The following CAPN7 variants were observed in gnomAD, a reference collection of about 807,000 sequenced individuals.
The protein encoded by CAPN7 is calpain 7.
CAPN7 carries 72 observed loss-of-function variants against 115.2 expected under a neutral mutation model. That is an observed-to-expected ratio of 0.63 (90% CI 0.52 to 0.76). The LOEUF is 0.76. CAPN7 is among the 30% of genes least tolerant of loss of function. CAPN7 has a pLI of 0.00. For missense variants in CAPN7, 905 were observed against 971.5 expected (o/e 0.93, Z 0.91); for synonymous variants, 344 against 322.3 (o/e 1.07, Z -0.72).
intron 8 of CAPN7, among the ~76,000 whole-genome samples, chr3:15,230,018 AGTT>A (rs944400638): frequency 1.3e-5 from 2 of 152,176 alleles, no homozygotes; most frequent in African/African-American, 4.8e-5. Flanking sequence ...TGATACTGAT[AGTT>A]GTTGAAGTAT....
intron 5 of CAPN7, among the ~76,000 whole-genome samples, chr3:15,221,202 CAG>C (rs1420853873): frequency 1.3e-5 from 2 of 148,954 alleles, no homozygotes; most frequent in Non-Finnish European, 2.9e-5. Flanking sequence ...TTTTTTGAGA[CAG>C]AGTGTCACTC....
chr3:15,231,145 T>A (rs1575206605), intron 9 of CAPN7, among the ~76,000 whole-genome samples: 1 of 152,192 alleles, frequency 6.6e-6, no homozygotes, highest in East Asian at 1.9e-4. Context: ...GCGTTTCACC[T>A]AGATCCCCTG....
At chr3:15,242,815 C>T (rs910399628) in intron 16 of CAPN7, among the ~76,000 whole-genome samples, 3 of 152,214 alleles carry the variant, frequency 2.0e-5, no homozygotes, top group African/African-American at 7.2e-5. Context: ...TTCCACTGGG[C>T]ACCTGAGATA....
At chr3:15,215,911 C>A (rs539327730) in intron 2 of CAPN7, among the ~76,000 whole-genome samples, 7 of 152,256 alleles carry the variant, frequency 4.6e-5, no homozygotes, top group African/African-American at 1.7e-4. Context: ...CAGGGTGAAA[C>A]CCCGTCTCTA....
rs889031905 is a variant in CAPN7 at position 15,242,167 on chromosome 3, T to A, written c.1789-11T>A. On this transcript the variant is annotated splice_polypyrimidine_tract_variant and intron_variant, in intron 15 of 20. Transcript: ENST00000253693. ...CATTTTCTAACCACATTGGATTCTT[T>A]GTGATTTTAGGATGATTTTGCGAAT... The A allele has an allele frequency of 6.3e-6, 10 of 1,581,738 alleles. No individual in the cohort carries two copies. The highest frequency in any genetic ancestry group is 8.6e-6 in the Non-Finnish European group (10 of 1,161,004).
intron 2 of CAPN7, among the ~76,000 whole-genome samples, chr3:15,214,182 A>T (rs2045113576): frequency 6.6e-6 from 1 of 152,148 alleles, no homozygotes; most frequent in Non-Finnish European, 1.5e-5. Context: ...GCCTGGCCTT[A>T]AAAAGGATTT....
chr3:15,229,195 A>T, intron 8 of CAPN7, 136 bp downstream of exon 8: 1 of 628,758 alleles, frequency 1.6e-6, no homozygotes, highest in South Asian at 2.3e-5. Flanking sequence ...AATTAAGCAG[A>T]TGATTTATGA....
intron 10 of CAPN7, among the ~76,000 whole-genome samples, chr3:15,233,226 A>G (rs1458243524): frequency 3.3e-5 from 5 of 152,222 alleles, no homozygotes; most frequent in Admixed American, 3.3e-4. Flanking sequence ...AGTCGTAAAG[A>G]TGAAAATTGC....
chr3:15,221,453 A>C (rs1693983143), intron 5 of CAPN7, among the ~76,000 whole-genome samples: 1 of 149,804 alleles, frequency 6.7e-6, no homozygotes, highest in African/African-American at 2.5e-5. Context: ...TCGGCCTCCC[A>C]AAGTATTGGG....
intron 20 of CAPN7, 43 bp downstream of exon 20, chr3:15,251,066 T>G: frequency 5.6e-6 from 9 of 1,599,514 alleles, no homozygotes; most frequent in Non-Finnish European, 7.7e-6. Context: ...TACTTTACTT[T>G]TTGTGGCATC....
Position 15,235,136 on chromosome 3 carries a change from A to G in CAPN7, c.1398A>G (p.Arg466=). ...ACGCATATGCTGTTTTGGATATTAG[A>G]GAGTTCAAGGTTTTGCCTTAAATCT... is the stretch of plus-strand genomic sequence containing the variant. The part of the protein sequence containing the change: ...PTHAYAVLDI[R]EFKGLRFIQL... Residue 466 remains arginine, a synonymous_variant, in exon 12 of 21, where the codon AGA becomes AGG. Transcript: ENST00000253693. The G allele has an allele frequency of 3.1e-6, 5 of 1,607,204 alleles. No homozygotes were observed. The highest frequency in any genetic ancestry group is 3.4e-6 in the Non-Finnish European group (4 of 1,178,176).
intron 12 of CAPN7, among the ~76,000 whole-genome samples, 198 bp downstream of exon 12, chr3:15,235,343 C>T (rs1694924303): frequency 6.6e-6 from 1 of 152,154 alleles, no homozygotes; most frequent in Non-Finnish European, 1.5e-5. Flanking sequence ...ATAGGGATGG[C>T]ACAGATACTG....
At chr3:15,243,209 CAG>C (rs1323676082) in intron 16 of CAPN7, among the ~76,000 whole-genome samples, 6 of 152,122 alleles carry the variant, frequency 3.9e-5, no homozygotes, top group South Asian at 4.1e-4. Context: ...ATTTTTGGGA[CAG>C]AGAACAGGCC....
chr3:15,225,884 T>C (rs1284412262), intron 6 of CAPN7, among the ~76,000 whole-genome samples: 1 of 152,128 alleles, frequency 6.6e-6, no homozygotes, highest in African/African-American at 2.4e-5. Flanking sequence ...TATTTTACTT[T>C]AGGAACAATC....
chr3:15,230,871 T>C (rs1447308755), intron 9 of CAPN7, among the ~76,000 whole-genome samples: 1 of 152,214 alleles, frequency 6.6e-6, no homozygotes, highest in Non-Finnish European at 1.5e-5. Flanking sequence ...ACTAAATCTG[T>C]TAGGTCAGAA....
chr3:15,211,011 C>A, intron 1 of CAPN7: 1 of 922,054 alleles, frequency 1.1e-6, no homozygotes, highest in Non-Finnish European at 1.3e-6. Context: ...AATGGAAACA[C>A]CACCTTCTAG....
rs796282881 is a variant in CAPN7 at position 15,249,763 on chromosome 3, AT to A, written c.2205-1158del. ...GGCCTTTCCATTTGTTACAATAACA[AT>A]TTTTTTTTTCTTTTTTTTTTGAGAC... On this transcript the variant is annotated intron_variant, in intron 19 of 20. Coordinates refer to ENST00000253693, the MANE Select transcript of CAPN7 (RefSeq NM_014296.3). Among the ~76,000 whole-genome samples the A allele has an allele frequency of 2.9e-3, 426 of 147,050 alleles. 4 individuals are homozygous for A. The highest frequency in any genetic ancestry group is 9.6e-3 in the African/African-American group (385 of 40,074).
rs1399163189 is a variant in CAPN7 at position 15,251,878 on chromosome 3, G to A, written c.*618G>A. ...TTAGCATGAAGATGCTCATGCCTAA[G>A]AATGAAAATTGTTGAGGTTATCTCC... On this transcript the variant is annotated 3_prime_UTR_variant, in exon 21 of 21. Transcript: ENST00000253693. 2 of 152,174 alleles carry A rather than the reference G, an allele frequency of 1.3e-5. No individual in the cohort carries two copies. The highest frequency in any genetic ancestry group is 2.9e-5 in the Non-Finnish European group (2 of 68,022). 9.4% of individuals were successfully genotyped at this position (152,174 alleles called of 1,614,324 possible).
intron 1 of CAPN7, among the ~76,000 whole-genome samples, chr3:15,210,607 TTTTTTTG>T (rs981233150): frequency 6.9e-6 from 1 of 144,154 alleles, no homozygotes; most frequent in African/African-American, 2.8e-5. Flanking sequence ...TTTTTTTTTT[TTTTTTTG>T]GACAGTATCT....
Sources: gnomAD v4.1 joint callset for allele counts (sites outside exome capture counted in the v4.1 genomes callset) on GRCh38, gnomAD v4.1.1 for gene constraint, MANE v1.5 for transcripts, NCBI Gene and HGNC (gene_info 2026-07-23, HGNC 2026-07-21) for gene names.